The following DPF1 variants were observed in gnomAD, a reference collection of about 807,000 sequenced individuals.
DPF1 encodes double PHD fingers 1.
In DPF1, 14 loss-of-function variants were observed where a neutral mutation model predicts 58.7. That is an observed-to-expected ratio of 0.24 (90% CI 0.16 to 0.37). DPF1 has a LOEUF of 0.37. Among genes scored for constraint, DPF1 ranks in the 10% least tolerant of loss-of-function variants. The probability of loss-of-function intolerance (pLI) is 1.00; values close to 1 mark genes in which losing one functional copy is unlikely to be tolerated. For synonymous variants in DPF1, 216 were observed against 216.0 expected, an observed-to-expected ratio of 1.00 and a Z score of 0.00; for missense variants, 345 against 529.9, an observed-to-expected ratio of 0.65 and a Z score of 3.43.
At chr19:38,212,238 T>TTGGGGG in intron 11 of DPF1, 42 bp downstream of exon 11, 1 of 585,190 alleles carries the variant, frequency 1.7e-6, no homozygotes, top group Non-Finnish European at 3.0e-6. Context: ...GAGATGGCGT[T>TTGGGGG]CCCACCCACC....
upstream of DPF1, chr19:38,224,328 C>G: frequency 1.6e-6 from 2 of 1,240,102 alleles, no homozygotes; most frequent in Non-Finnish European, 2.0e-6. The surrounding 1 kb of genome is among the most constrained non-coding windows in gnomAD (Gnocchi z 4.5). Context: ...GCCAGGGGGC[C>G]CCCGGGACCC....
At chr19:38,212,238 T>TGG in intron 11 of DPF1, 42 bp downstream of exon 11, 2 of 585,176 alleles carry the variant, frequency 3.4e-6, no homozygotes, top group Non-Finnish European at 5.9e-6. Context: ...GAGATGGCGT[T>TGG]CCCACCCACC....
intron 9 of DPF1, 32 bp downstream of exon 9, chr19:38,216,108 G>T: frequency 1.3e-6 from 2 of 1,586,542 alleles, no homozygotes; most frequent in South Asian, 1.1e-5. Flanking sequence ...CTCTGCACCC[G>T]GCCCCCAGAA....
intron 9 of DPF1, chr19:38,214,120 C>T (rs971085878): frequency 3.0e-5 from 6 of 200,138 alleles, no homozygotes; most frequent in East Asian, 2.3e-4. Context: ...CACAGCAGAA[C>T]GGCCAGGGGT....
rs371916910 is a variant in DPF1 at position 38,222,477 on chromosome 19, G to C, written c.191-13C>G. ...CCCGGGGCCAAACCTGGAGAGAGAGGGGGGTGAGAGGGCGGCGGCGGTGGG... is the reference window on the plus strand; with the variant it reads ...CCCGGGGCCAAACCTGGAGAGAGAGCGGGGTGAGAGGGCGGCGGCGGTGGG... On this transcript the variant is annotated splice_polypyrimidine_tract_variant and intron_variant, in intron 2 of 11. Transcript: ENST00000355526. This position sits in a 1 kb window ranked among gnomAD's most constrained non-coding sequence, Gnocchi z 4.9. 25 of 1,581,462 alleles carry C rather than the reference G, an allele frequency of 1.6e-5. No individual in the cohort carries two copies. The highest frequency in any genetic ancestry group is 4.2e-5 in the African/African-American group (3 of 71,688).
chr19:38,229,661 G>A lies in DPF1; in HGVS notation c.-234C>T. The A allele has an allele frequency of 1.3e-6, 1 of 745,344 alleles. No homozygotes were observed. Among genetic ancestry groups the A allele is most frequent in the Non-Finnish European group, 1.6e-6 (1 of 610,374 alleles). The allele number at this position is 745,344 out of a possible 1,614,324, so 46.2% of individuals were successfully genotyped here. On this transcript the variant is annotated 5_prime_UTR_variant, in exon 1 of 12. Transcript: ENST00000412732. The surrounding 1 kb of genome is among the most constrained non-coding windows in gnomAD (Gnocchi z 5.3). Reference sequence around the variant, plus strand: ...CGCGCGCGGGCCCAGCCCGGCCTGCGCCGCCCGCTCTGCCGCCCAGCGCGC... The same window carrying A: ...CGCGCGCGGGCCCAGCCCGGCCTGCACCGCCCGCTCTGCCGCCCAGCGCGC...
chr19:38,226,982 T>C (rs368562874), upstream of DPF1, among the ~76,000 whole-genome samples: 2 of 71,240 alleles, frequency 2.8e-5, no homozygotes, highest in African/African-American at 1.4e-4. Flanking sequence ...TTTCTTTTCT[T>C]CTTTTATTTC....
Position 38,222,109 on chromosome 19 carries a change from A to G in DPF1, c.298+248T>C, listed in dbSNP as rs1224790770. 6.6e-6 allele frequency among the ~76,000 whole-genome samples: 1 copy of G among 150,724 alleles called. No individual in the cohort carries two copies. ...GTGAAACTCTGTCTCAAAAATAAAT[A>G]AATAAATAAATAAATAAATAAATAA... On this transcript the variant is annotated intron_variant, in intron 3 of 11. Coordinates refer to ENST00000355526, the MANE Select transcript of DPF1 (RefSeq NM_001135155.3). This position sits in a 1 kb window ranked among gnomAD's most constrained non-coding sequence, Gnocchi z 4.9.
At chr19:38,217,903 C>T (rs2146166525) in intron 5 of DPF1, 27 bp from the exon 6 acceptor site, 1 of 1,613,028 alleles carries the variant, frequency 6.2e-7, no homozygotes, top group Non-Finnish European at 8.5e-7. Context: ...GAGTGAGGGG[C>T]CAAGAAAGTG....
In DPF1 at chr19:38,212,284, C is replaced by T. The variant is rs541949077; in HGVS notation, c.1089G>A (p.Pro363=). Residue 363 remains proline, a synonymous_variant, in exon 11 of 12, where the codon CCG becomes CCA. Transcript: ENST00000355526. Reference sequence around the variant, plus strand: ...GATGCCCACCTCTCCTCTCACCTTCCGGGGGCTCCGCCATGGGGGGACTCA... The same window carrying T: ...GATGCCCACCTCTCCTCTCACCTTCTGGGGGCTCCGCCATGGGGGGACTCA... The part of the protein sequence containing the change: ...YCLSPPMAEP[P]EGSWSCHLCL... 2.6e-5 allele frequency: 40 copies of T among 1,529,372 alleles called. No individual in the cohort carries two copies. Among genetic ancestry groups the T allele is most frequent in the Admixed American group, 6.0e-5 (3 of 50,376 alleles). 94.7% of individuals were successfully genotyped at this position (1,529,372 alleles called of 1,614,324 possible). A position where few individuals can be genotyped will look rare whatever the true frequency, so the allele number is the denominator to read the frequency against.
At position 38,229,537 on chromosome 19, in the gene DPF1, C is replaced by T; in HGVS notation, c.-132+22G>A. On this transcript the variant is annotated intron_variant, in intron 1 of 11. Transcript: ENST00000412732. This position sits in a 1 kb window ranked among gnomAD's most constrained non-coding sequence, Gnocchi z 5.3. Reference sequence around the variant, plus strand: ...CTGGTGGGGGGGTCTGGACAGGGGGCGGGGACGGCAGGGACACTCACGACT... The same window carrying T: ...CTGGTGGGGGGGTCTGGACAGGGGGTGGGGACGGCAGGGACACTCACGACT... 2 of 913,042 alleles carry T rather than the reference C, an allele frequency of 2.2e-6. No individual in the cohort carries two copies. The highest frequency in any genetic ancestry group is 1.0e-4 in the South Asian group (2 of 19,826). The allele number at this position is 913,042 out of a possible 1,614,324, so 56.6% of individuals were successfully genotyped here.
rs1469363354 is a variant in DPF1 at position 38,217,859 on chromosome 19, A to C, written c.534T>G (p.Gly178=). Reference sequence around the variant, plus strand: ...AAGCGGTGTCCTGGCGTTTCCGGAGACCCCCGATGCCATATGCCTGTGGGG... The same window carrying C: ...AAGCGGTGTCCTGGCGTTTCCGGAGCCCCCCGATGCCATATGCCTGTGGGG... ...RAKGKAYGIG[G]LRKRQDTASL... is the part of the protein sequence containing the mutation. The change falls in exon 6 of 12, where the codon GGT becomes GGG. Residue 178 remains glycine, a synonymous_variant. Coordinates refer to ENST00000355526, the MANE Select transcript of DPF1 (RefSeq NM_001135155.3). 1 of 1,613,540 alleles carries C rather than the reference A, an allele frequency of 6.2e-7. No homozygotes were observed. The highest frequency in any genetic ancestry group is 8.5e-7 in the Non-Finnish European group (1 of 1,179,942).
rs991654917 is a variant in DPF1, at chr19:38,211,864, G to A, written c.*199C>T. 2 of 604,122 alleles carry A rather than the reference G, an allele frequency of 3.3e-6. No individual in the cohort carries two copies. Among genetic ancestry groups the A allele is most frequent in the Non-Finnish European group, 2.9e-6 (1 of 344,234 alleles). The allele number at this position is 604,122 out of a possible 1,614,324, so 37.4% of individuals were successfully genotyped here. A position where few individuals can be genotyped will look rare whatever the true frequency, so the allele number is the denominator to read the frequency against. On this transcript the variant is annotated 3_prime_UTR_variant, in exon 12 of 12. Transcript: ENST00000355526. This position sits in a 1 kb window ranked among gnomAD's most constrained non-coding sequence, Gnocchi z 4.0. ...GCCAAGGGACAGAGAGGGAGGGAGG[G>A]AGGGAGAGGCCCTGGCCGGGCCCAC...
In DPF1 at chr19:38,211,958, C is replaced by T. The variant is rs1973456133; in HGVS notation, c.*105G>A. The T allele has an allele frequency of 1.5e-6, 2 of 1,347,020 alleles. No individual in the cohort carries two copies. Among genetic ancestry groups the T allele is most frequent in the East Asian group, 2.5e-5 (1 of 40,652 alleles). The allele number at this position is 1,347,020 out of a possible 1,614,324, so 83.4% of individuals were successfully genotyped here. A position where few individuals can be genotyped will look rare whatever the true frequency, so the allele number is the denominator to read the frequency against. ...TGGCCCAGCCCCCTCTCGGCTTCCC[C>T]CTCTCCCCCTCCCCCTGCGGGATGT... On this transcript the variant is annotated 3_prime_UTR_variant, in exon 12 of 12. Coordinates refer to ENST00000355526, the MANE Select transcript of DPF1 (RefSeq NM_001135155.3). The surrounding 1 kb of genome is among the most constrained non-coding windows in gnomAD (Gnocchi z 4.0).
upstream of DPF1, among the ~76,000 whole-genome samples, chr19:38,226,296 T>G (rs1967815773): frequency 1.9e-5 from 2 of 102,668 alleles, no homozygotes; most frequent in African/African-American, 3.7e-5. Context: ...TTCTCCCCCT[T>G]TCCCCTTCCC....
chr19:38,223,933 G>A, intron 1 of DPF1, 181 bp downstream of exon 1: 1 of 787,480 alleles, frequency 1.3e-6, no homozygotes, highest in Non-Finnish European at 1.7e-6. Flanking sequence ...CCAGGGAGCG[G>A]TGCATCCGAC....
rs1376252478 is a variant in DPF1, at chr19:38,217,486, G to A, written c.701C>T (p.Pro234Leu). ...GEENAERHAL[P>L]FHRKNNHKQF... Reference sequence around the variant, plus strand: ...TTTATGGTTGTTTTTCCGGTGGAAGGGCAGGGCGTGGCGTTCGGCGTTCTC... The same window carrying A: ...TTTATGGTTGTTTTTCCGGTGGAAGAGCAGGGCGTGGCGTTCGGCGTTCTC... Residue 234 changes from proline (P) to leucine (L), a missense_variant, in exon 7 of 12, where the codon CCC becomes CTC. Coordinates refer to ENST00000355526, the MANE Select transcript of DPF1 (RefSeq NM_001135155.3). 6.4e-7 allele frequency: 1 copy of A among 1,551,156 alleles called. No homozygotes were observed.
chr19:38,214,182 G>A (rs1375653655), intron 9 of DPF1, among the ~76,000 whole-genome samples: 1 of 152,130 alleles, frequency 6.6e-6, no homozygotes, highest in Non-Finnish European at 1.5e-5. Context: ...ACAATGCCAT[G>A]GCAACCACCT....
In DPF1 at chr19:38,211,848, C is replaced by T. The variant is rs1206854907; in HGVS notation, c.*215G>A. The stretch of plus-strand genomic sequence containing the variant: ...CCCCTGGTGTCCATTTGCCAAGGGA[C>T]AGAGAGGGAGGGAGGGAGGGAGAGG... On this transcript the variant is annotated 3_prime_UTR_variant, in exon 12 of 12. Transcript: ENST00000355526. This position sits in a 1 kb window ranked among gnomAD's most constrained non-coding sequence, Gnocchi z 4.0. The T allele has an allele frequency of 6.9e-6, 4 of 583,364 alleles. No individual in the cohort carries two copies. The African/African-American group carries it at 8.0e-5, about 12-fold the overall frequency. 36.1% of individuals were successfully genotyped at this position (583,364 alleles called of 1,614,324 possible). A position where few individuals can be genotyped will look rare whatever the true frequency, so the allele number is the denominator to read the frequency against.
Sources: allele counts gnomAD v4.1 joint callset (sites outside exome capture counted in the v4.1 genomes callset), GRCh38; gene constraint gnomAD v4.1.1; non-coding constraint Gnocchi (gnomAD v3.1); transcripts MANE v1.5; gene names NCBI Gene and HGNC (gene_info 2026-07-23, HGNC 2026-07-21).